The following PRH1 variants were observed in gnomAD, a reference collection of about 807,000 sequenced individuals.
PRH1 encodes salivary acidic proline-rich phosphoprotein 1/2.
Under a neutral mutation model 7.9 loss-of-function variants are expected in PRH1, and 7 were observed. That is an observed-to-expected ratio of 0.89 (90% CI 0.50 to 1.67). The LOEUF (loss-of-function observed/expected upper bound fraction) is 1.67. Ranked by LOEUF, PRH1 falls within the 40% of genes most tolerant of loss-of-function variation. PRH1 has a pLI of 0.00. For synonymous variants in PRH1, 45 were observed against 80.8 expected, an observed-to-expected ratio of 0.56 and a Z score of 2.38; for missense variants, 109 against 223.6, an observed-to-expected ratio of 0.49 and a Z score of 3.27.
intron 2 of PRH1, chr12:10,938,072 C>T (rs1184932626): frequency 4.0e-6 from 2 of 497,118 alleles, no homozygotes; most frequent in East Asian, 3.1e-5. Flanking sequence ...TATTCGCATT[C>T]TTCTCTGTAT....
intron 2 of PRH1, among the ~76,000 whole-genome samples, chr12:10,968,824 G>T (rs746804978): frequency 6.6e-6 from 1 of 152,346 alleles, no homozygotes; most frequent in East Asian, 1.9e-4. Context: ...ATCTGGGGGG[G>T]TGCCCGCACC....
At chr12:10,939,301 T>C in intron 2 of PRH1, 1 of 697,598 alleles carries the variant, frequency 1.4e-6, no homozygotes, top group East Asian at 2.9e-5. Context: ...TTCTTGAAAA[T>C]TCAATAATAT....
intron 1 of PRH1, among the ~76,000 whole-genome samples, chr12:11,084,231 C>A (rs76186386): frequency 3.9e-5 from 2 of 51,806 alleles, no homozygotes; most frequent in African/African-American, 1.0e-4. Context: ...CACCCTTCTG[C>A]CAAAGTAAAG....
chr12:10,881,593 C>T (rs1949401384), intron 3 of PRH1, among the ~76,000 whole-genome samples: 1 of 151,972 alleles, frequency 6.6e-6, no homozygotes, highest in Non-Finnish European at 1.5e-5. Context: ...GTAATAAAAG[C>T]ATTATATATA....
At chr12:11,000,071 G>A (rs1940509196) in intron 1 of PRH1, among the ~76,000 whole-genome samples, 1 of 151,904 alleles carries the variant, frequency 6.6e-6, no homozygotes, top group Admixed American at 6.6e-5. Context: ...TTCCTATTAT[G>A]GGGTCATTAA....
chr12:11,017,346 G>A (rs1399293861), intron 1 of PRH1, among the ~76,000 whole-genome samples: 1 of 152,022 alleles, frequency 6.6e-6, no homozygotes, highest in Non-Finnish European at 1.5e-5. Flanking sequence ...CCTAATTATA[G>A]TAAAATACTT....
intron 1 of PRH1, among the ~76,000 whole-genome samples, chr12:11,017,828 A>G (rs1941375274): frequency 6.6e-6 from 1 of 151,964 alleles, no homozygotes; most frequent in South Asian, 2.1e-4. Context: ...CTTCCTATAT[A>G]CTTCCTATCA....
intron 1 of PRH1, among the ~76,000 whole-genome samples, chr12:11,027,166 G>C (rs1454989938): frequency 6.6e-6 from 1 of 151,274 alleles, no homozygotes; most frequent in African/African-American, 2.4e-5. Context: ...TAGCAATGCA[G>C]AGGTGGGGGA....
chr12:11,128,032 A>G (rs572980773), intron 1 of PRH1, among the ~76,000 whole-genome samples: 231 of 145,844 alleles, frequency 1.6e-3, no homozygotes, highest in African/African-American at 5.5e-3. Flanking sequence ...AATGGTGTGA[A>G]CCCAGGAGGC....
At chr12:10,951,696 T>C (rs1937678806) in intron 2 of PRH1, among the ~76,000 whole-genome samples, 1 of 152,222 alleles carries the variant, frequency 6.6e-6, no homozygotes, top group Non-Finnish European at 1.5e-5. Flanking sequence ...AAATATGAAT[T>C]ATTTAATTAA....
At chr12:11,014,035 G>T (rs1242388272) in intron 1 of PRH1, among the ~76,000 whole-genome samples, 1 of 134,522 alleles carries the variant, frequency 7.4e-6, no homozygotes, top group Non-Finnish European at 1.7e-5. Context: ...CCCTGGTACT[G>T]TTACTTCAAA....
At chr12:11,114,688 A>C (rs1945682571) in intron 1 of PRH1, among the ~76,000 whole-genome samples, 1 of 152,190 alleles carries the variant, frequency 6.6e-6, no homozygotes, top group Non-Finnish European at 1.5e-5. Context: ...CTTTGAATAC[A>C]TACACAGTAC....
chr12:11,118,060 C>T (rs1220714039), downstream of PRH1, among the ~76,000 whole-genome samples: 1 of 152,030 alleles, frequency 6.6e-6, no homozygotes. Flanking sequence ...AAAAAATGCA[C>T]AATTGGGATC....
intron 1 of PRH1, among the ~76,000 whole-genome samples, chr12:11,128,110 CAA>C (rs71434172): frequency 8.0e-5 from 8 of 100,538 alleles, no homozygotes; most frequent in Non-Finnish European, 1.2e-4. Flanking sequence ...GACTCAGTCT[CAA>C]AAAAAAAAAA....
intron 1 of PRH1, among the ~76,000 whole-genome samples, chr12:11,001,007 G>GC: frequency 6.6e-6 from 1 of 151,764 alleles, no homozygotes; most frequent in East Asian, 1.9e-4. Flanking sequence ...GGTTGGCTTT[G>GC]TTTTTTTGTT....
At chr12:11,070,788 G>T (rs1465974452) in intron 1 of PRH1, among the ~76,000 whole-genome samples, 1 of 151,686 alleles carries the variant, frequency 6.6e-6, no homozygotes, top group Admixed American at 6.6e-5. Flanking sequence ...TCCATGAGAT[G>T]GAGTAGGAGA....
At chr12:10,913,026 T>C (rs1949922701) in intron 2 of PRH1, among the ~76,000 whole-genome samples, 1 of 152,228 alleles carries the variant, frequency 6.6e-6, no homozygotes, top group African/African-American at 2.4e-5. Context: ...TTTATCTATG[T>C]CTTTTAGAAG....
At chr12:11,073,981 T>C (rs1343411308) in intron 1 of PRH1, among the ~76,000 whole-genome samples, 1 of 149,052 alleles carries the variant, frequency 6.7e-6, no homozygotes, top group Non-Finnish European at 1.5e-5. Context: ...ACACAAGGCA[T>C]CTGCTTATAA....
At chr12:10,993,069 T>C (rs1174098090) in intron 1 of PRH1, among the ~76,000 whole-genome samples, 1 of 152,216 alleles carries the variant, frequency 6.6e-6, no homozygotes, top group East Asian at 1.9e-4. Flanking sequence ...ATCTGGCTTC[T>C]GCCAAAGCCA....
Sources: allele counts gnomAD v4.1 joint callset (sites outside exome capture counted in the v4.1 genomes callset), GRCh38; gene constraint gnomAD v4.1.1; transcripts MANE v1.5; gene names NCBI Gene and HGNC (gene_info 2026-07-23, HGNC 2026-07-21).